Variants in CLVS1 observed in about 807,000 individuals in gnomAD.
CLVS1 encodes the protein clavesin-1.
CLVS1 carries 10 observed loss-of-function variants against 33.1 expected under a neutral mutation model. That is an observed-to-expected ratio of 0.30 (90% CI 0.19 to 0.51). The LOEUF is 0.51. Ranked by LOEUF, CLVS1 falls within the 20% of genes least tolerant of loss-of-function variation. The pLI, the probability that CLVS1 is intolerant of heterozygous loss-of-function variation, is 0.97. For missense variants in CLVS1, 343 were observed against 433.4 expected (o/e 0.79, Z 1.85); for synonymous variants, 163 against 166.1 (o/e 0.98, Z 0.14).
chr8:61,407,521 TTAAAA>T (rs748838591), intron 3 of CLVS1, among the ~76,000 whole-genome samples: 7 of 152,162 alleles, frequency 4.6e-5, no homozygotes, highest in Non-Finnish European at 7.4e-5. Flanking sequence ...CATTTGAAAA[TTAAAA>T]TAAAGCAGGT....
intron 2 of CLVS1, among the ~76,000 whole-genome samples, chr8:61,267,112 T>C (rs1809324661): frequency 6.6e-6 from 1 of 152,212 alleles, no homozygotes; most frequent in Non-Finnish European, 1.5e-5. Flanking sequence ...TTTTATTCAC[T>C]TGCAGAAAGA....
At chr8:61,166,831 T>A (rs1472352427) in intron 2 of CLVS1, among the ~76,000 whole-genome samples, 1 of 151,496 alleles carries the variant, frequency 6.6e-6, no homozygotes, top group Non-Finnish European at 1.5e-5. Context: ...AAAAGTTCTA[T>A]GGTCAAAAGT....
chr8:61,170,242 T>C (rs1806965787), intron 2 of CLVS1, among the ~76,000 whole-genome samples: 1 of 152,158 alleles, frequency 6.6e-6, no homozygotes, highest in Non-Finnish European at 1.5e-5. Flanking sequence ...GTCCTGAAGC[T>C]GTGTCAGCTA....
intron 3 of CLVS1, among the ~76,000 whole-genome samples, chr8:61,436,163 A>G (rs1816322591): frequency 6.6e-6 from 1 of 152,124 alleles, no homozygotes; most frequent in Non-Finnish European, 1.5e-5. Flanking sequence ...TCCTTGAAAA[A>G]AGTCAGCCCT....
intron 2 of CLVS1, among the ~76,000 whole-genome samples, chr8:61,282,267 A>G (rs1053016300): frequency 2.0e-5 from 3 of 152,214 alleles, no homozygotes; most frequent in Admixed American, 2.0e-4. Flanking sequence ...AAGTGGCAGT[A>G]GGCAGAAGGC....
intron 2 of CLVS1, among the ~76,000 whole-genome samples, chr8:61,258,918 T>A (rs923466761): frequency 6.6e-6 from 1 of 152,134 alleles, no homozygotes; most frequent in African/African-American, 2.4e-5. Flanking sequence ...AGGTATAGAG[T>A]AAACAGAGAG....
intron 1 of CLVS1, among the ~76,000 whole-genome samples, chr8:61,080,595 A>G (rs1285219755): frequency 6.6e-6 from 1 of 152,228 alleles, no homozygotes; most frequent in African/African-American, 2.4e-5. Flanking sequence ...GCTAAAACCC[A>G]CGGATTGCCT....
chr8:61,004,784 G>T, the CLVS1 span, among the ~76,000 whole-genome samples: 1 of 152,174 alleles, frequency 6.6e-6, no homozygotes, highest in Non-Finnish European at 1.5e-5. Flanking sequence ...CCTGGGCCCC[G>T]CGGTGAGGGT....
At chr8:61,234,329 A>G (rs1434743075) in intron 2 of CLVS1, among the ~76,000 whole-genome samples, 1 of 152,206 alleles carries the variant, frequency 6.6e-6, no homozygotes, top group Non-Finnish European at 1.5e-5. Context: ...CTGTGTCAGC[A>G]TGGCACAGGA....
intron 2 of CLVS1, among the ~76,000 whole-genome samples, chr8:61,187,118 C>T (rs976088490): frequency 1.1e-4 from 14 of 123,496 alleles, no homozygotes; most frequent in Non-Finnish European, 1.9e-5. Context: ...AAACATTTTC[C>T]AAGGCATTGC....
intron 2 of CLVS1, among the ~76,000 whole-genome samples, chr8:61,368,182 G>C (rs1813292106): frequency 6.6e-6 from 1 of 152,180 alleles, no homozygotes; most frequent in Non-Finnish European, 1.5e-5. Flanking sequence ...TGTAAATGGT[G>C]AGTTATTGCA....
chr8:61,468,411 T>A (rs1226464988), intron 5 of CLVS1, among the ~76,000 whole-genome samples: 1 of 152,230 alleles, frequency 6.6e-6, no homozygotes, highest in Admixed American at 6.5e-5. Context: ...GCTAAGGTAC[T>A]GAGAAGTTCT....
chr8:61,212,224 C>T (rs1451548545), intron 2 of CLVS1, among the ~76,000 whole-genome samples: 2 of 152,214 alleles, frequency 1.3e-5, no homozygotes, highest in Non-Finnish European at 2.9e-5. Flanking sequence ...GCTGCAGCGT[C>T]TGGGGAGGAA....
At position 61,115,157 on chromosome 8, in the gene CLVS1, G is replaced by C. The variant is rs536443135; in HGVS notation, c.-242-16613G>C. Among the ~76,000 whole-genome samples the C allele has an allele frequency of 2.0e-5, 3 of 152,160 alleles. No homozygotes were observed. The South Asian group carries it at 6.2e-4, about 31-fold the overall frequency. The stretch of plus-strand genomic sequence containing the variant: ...AGCCCTAGGCTCAAAATTCAGTTCT[G>C]CTACTTACCACATACAACTTTGGAC... On this transcript the variant is annotated intron_variant, in intron 1 of 2. Coordinates refer to the CLVS1 transcript ENST00000522621.
chr8:61,306,823 C>A (rs1810645741), intron 2 of CLVS1, among the ~76,000 whole-genome samples: 1 of 152,152 alleles, frequency 6.6e-6, no homozygotes, highest in African/African-American at 2.4e-5. Context: ...AAGATGTACC[C>A]TCTAAAGGCT....
chr8:61,354,616 G>A (rs73682269), intron 2 of CLVS1, among the ~76,000 whole-genome samples: 5,295 of 152,058 alleles, frequency 0.035, 307 homozygotes, highest in African/African-American at 0.12. Context: ...AAAAAAACTG[G>A]TACATCCATA....
intron 2 of CLVS1, among the ~76,000 whole-genome samples, chr8:61,376,145 G>C (rs1813630255): frequency 6.6e-6 from 1 of 152,170 alleles, no homozygotes; most frequent in African/African-American, 2.4e-5. Context: ...GGAAATAAAA[G>C]AGCTTTCATC....
At position 61,449,333 on chromosome 8, in the gene CLVS1, G is replaced by A. The variant is rs151292405; in HGVS notation, c.631-4808G>A. 4.9e-3 allele frequency among the ~76,000 whole-genome samples: 752 copies of A among 152,256 alleles called. 4 individuals are homozygous for A. The highest frequency in any genetic ancestry group is 8.4e-3 in the Non-Finnish European group (574 of 67,996). On this transcript the variant is annotated intron_variant, in intron 3 of 5. Transcript: ENST00000325897. ...GAAGGGATTCTCATTACTGACAGGT[G>A]GGGGAGGAAGTCCAGTTTACCCACA...
the CLVS1 span, among the ~76,000 whole-genome samples, chr8:61,031,346 C>T: frequency 9.2e-5 from 14 of 152,178 alleles, no homozygotes; most frequent in African/African-American, 2.9e-4. Context: ...CAGAGCCCTT[C>T]GTATGGGCTT....
Sources: allele counts gnomAD v4.1 joint callset (sites outside exome capture counted in the v4.1 genomes callset), GRCh38; gene constraint gnomAD v4.1.1; transcripts MANE v1.5; gene names NCBI Gene and HGNC (gene_info 2026-07-23, HGNC 2026-07-21).